TECRL: variants seen among roughly 807,000 people sequenced by gnomAD.
TECRL encodes trans-2,3-enoyl-CoA reductase like.
In TECRL, 63 loss-of-function variants were observed where a neutral mutation model predicts 52.8. That is an observed-to-expected ratio of 1.19 (90% CI 0.97 to 1.47). The LOEUF (loss-of-function observed/expected upper bound fraction) is 1.47, where lower values mean the gene tolerates loss of function less well. TECRL is among the 40% of genes most tolerant of loss of function. TECRL has a pLI of 0.00. For missense variants in TECRL, 482 were observed against 429.6 expected (o/e 1.12, Z -1.08); for synonymous variants, 164 against 141.9 (o/e 1.16, Z -1.10).
intron 1 of TECRL, among the ~76,000 whole-genome samples, chr4:64,403,475 GCACACA>G (rs148711260): frequency 6.7e-6 from 1 of 148,234 alleles, no homozygotes; most frequent in Non-Finnish European, 1.5e-5. Flanking sequence ...CTCCCTGAGC[GCACACA>G]CACACACACA....
intron 7 of TECRL, chr4:64,304,795 G>T (rs1724230625): frequency 6.5e-6 from 1 of 153,362 alleles, no homozygotes; most frequent in African/African-American, 2.4e-5. Flanking sequence ...ATTTTTTGTT[G>T]AATTATATTT....
At chr4:64,311,326 A>C (rs901111155) in intron 5 of TECRL, among the ~76,000 whole-genome samples, 6 of 152,198 alleles carry the variant, frequency 3.9e-5, no homozygotes, top group African/African-American at 1.4e-4. Flanking sequence ...CAAATTCTGA[A>C]AAAGGTGAGA....
chr4:64,403,033 T>C (rs1287175201), intron 1 of TECRL, among the ~76,000 whole-genome samples: 2 of 136,740 alleles, frequency 1.5e-5, no homozygotes, highest in African/African-American at 5.2e-5. Context: ...TCCTTTTTAC[T>C]TAAATTATCT....
At position 64,342,711 on chromosome 4, in the gene TECRL, T is replaced by C. The variant is rs149023465; in HGVS notation, c.287-14155A>G. On this transcript the variant is annotated intron_variant, in intron 2 of 11. Transcript: ENST00000381210. Reference sequence around the variant, plus strand: ...AAAATAAATGGAGGCCACAAAAGTATCTATCTATTCAGGACACTGTGAGGA... The same window carrying C: ...AAAATAAATGGAGGCCACAAAAGTACCTATCTATTCAGGACACTGTGAGGA... Among the ~76,000 whole-genome samples, 25 of 152,208 alleles carry C rather than the reference T, an allele frequency of 1.6e-4. No homozygotes were observed. In the East Asian group the frequency reaches 4.1e-3, roughly 25 times the overall value.
At chr4:64,399,929 A>T (rs1269619377) in intron 1 of TECRL, among the ~76,000 whole-genome samples, 1 of 152,196 alleles carries the variant, frequency 6.6e-6, no homozygotes, top group African/African-American at 2.4e-5. Context: ...GTCTCCACGC[A>T]GAGTCCTCAC....
intron 2 of TECRL, among the ~76,000 whole-genome samples, chr4:64,363,626 C>T (rs141932973): frequency 0.013 from 1,906 of 152,176 alleles, 47 homozygotes; most frequent in African/African-American, 0.043. Context: ...TAGGAAGTAA[C>T]TTATGGAATG....
At chr4:64,365,133 A>C (rs962280205) in intron 2 of TECRL, among the ~76,000 whole-genome samples, 2 of 151,994 alleles carry the variant, frequency 1.3e-5, no homozygotes, top group Non-Finnish European at 2.9e-5. Flanking sequence ...TATAAACAGA[A>C]CTAAAACCAA....
At chr4:64,308,559 G>A (rs148812790) in intron 6 of TECRL, among the ~76,000 whole-genome samples, 3 of 152,106 alleles carry the variant, frequency 2.0e-5, no homozygotes, top group South Asian at 2.1e-4. Context: ...GAATTTATCC[G>A]AATTTATCCC....
chr4:64,298,571 TATC>T lies in TECRL; in HGVS notation c.774+1400_774+1402del, dbSNP rs558124025. On this transcript the variant is annotated intron_variant, in intron 8 of 11. Coordinates refer to ENST00000381210, the MANE Select transcript of TECRL (RefSeq NM_001010874.5). ...TATTAAAAGTTTTATTTTATAGTAT[TATC>T]ATACACATTTGAAAAGAAGGAATAA... Among the ~76,000 whole-genome samples, 446 of 151,212 alleles carry T rather than the reference TATC, an allele frequency of 2.9e-3. 1 individual carries two copies. The highest frequency in any genetic ancestry group is 5.2e-3 in the South Asian group (25 of 4,826).
intron 1 of TECRL, among the ~76,000 whole-genome samples, chr4:64,393,775 A>T (rs933515357): frequency 2.6e-5 from 4 of 152,066 alleles, no homozygotes; most frequent in South Asian, 2.1e-4. Context: ...AAATTAAAAA[A>T]ATTATTATCT....
intron 2 of TECRL, among the ~76,000 whole-genome samples, chr4:64,355,426 T>A (rs1017237751): frequency 2.0e-5 from 3 of 151,846 alleles, no homozygotes; most frequent in African/African-American, 7.3e-5. Context: ...AAAAAAAAAA[T>A]TACATTAGAA....
intron 8 of TECRL, 25 bp downstream of exon 8, chr4:64,299,949 A>G (rs1460897248): frequency 1.4e-6 from 2 of 1,466,636 alleles, no homozygotes; most frequent in African/African-American, 1.4e-5. Flanking sequence ...GAGCGTGAAT[A>G]GCAAAATATA....
chr4:64,289,800 A>G, intron 8 of TECRL, 33 bp from the exon 9 acceptor site: 1 of 1,421,210 alleles, frequency 7.0e-7, no homozygotes, highest in Non-Finnish European at 9.4e-7. Flanking sequence ...TCAGTGTGAT[A>G]CACCTCTGCC....
intron 1 of TECRL, among the ~76,000 whole-genome samples, chr4:64,405,119 GAAGTA>G (rs1724619433): frequency 2.0e-5 from 3 of 152,052 alleles, no homozygotes; most frequent in African/African-American, 7.2e-5. Flanking sequence ...GTCTAGTAAA[GAAGTA>G]AAACAAGGAA....
chr4:64,408,199 T>C (rs1724854536), intron 1 of TECRL, among the ~76,000 whole-genome samples: 1 of 151,918 alleles, frequency 6.6e-6, no homozygotes, highest in South Asian at 2.1e-4. Flanking sequence ...CTAAACAGCT[T>C]CTTTTTTCCT....
intron 2 of TECRL, among the ~76,000 whole-genome samples, chr4:64,335,334 T>C (rs1279809127): frequency 2.0e-5 from 3 of 152,234 alleles, no homozygotes; most frequent in African/African-American, 4.8e-5. Flanking sequence ...CTAGGTTGCA[T>C]GCTCCTTATG....
At chr4:64,335,067 C>A (rs1209949229) in intron 2 of TECRL, among the ~76,000 whole-genome samples, 6 of 152,234 alleles carry the variant, frequency 3.9e-5, no homozygotes, top group African/African-American at 1.2e-4. Flanking sequence ...TTCATACCTT[C>A]TCAGATTTTC....
At chr4:64,299,245 A>G (rs1723865686) in intron 8 of TECRL, 1 of 151,200 alleles carries the variant, frequency 6.6e-6, no homozygotes, top group African/African-American at 2.4e-5. Flanking sequence ...CAGGTGATTT[A>G]TGACCTGTAT....
intron 2 of TECRL, among the ~76,000 whole-genome samples, chr4:64,345,254 G>A (rs376121558): frequency 2.0e-5 from 3 of 152,142 alleles, no homozygotes; most frequent in African/African-American, 4.8e-5. Flanking sequence ...ATGCACACGT[G>A]TGTTTATTGC....
Sources: allele counts gnomAD v4.1 joint callset (sites outside exome capture counted in the v4.1 genomes callset), GRCh38; gene constraint gnomAD v4.1.1; transcripts MANE v1.5; gene names NCBI Gene and HGNC (gene_info 2026-07-23, HGNC 2026-07-21).